Variants in DLG2 observed in about 807,000 individuals in gnomAD.
The protein encoded by DLG2 is discs large MAGUK scaffold protein 2, also known as disks large homolog 2.
DLG2 carries 45 observed loss-of-function variants against 132.5 expected under a neutral mutation model. The observed-to-expected ratio is 0.34, with a 90% confidence interval of 0.27 to 0.44. The LOEUF (loss-of-function observed/expected upper bound fraction) is 0.44, where lower values mean the gene tolerates loss of function less well. Among genes scored for constraint, DLG2 ranks in the 20% least tolerant of loss-of-function variants. DLG2 has a pLI of 1.00. For synonymous variants in DLG2, 424 were observed against 419.6 expected, an observed-to-expected ratio of 1.01 and a Z score of -0.13; for missense variants, 1,045 against 1,196.9, an observed-to-expected ratio of 0.87 and a Z score of 1.87.
At chr11:84,690,450 T>C (rs1245494894) in intron 6 of DLG2, among the ~76,000 whole-genome samples, 3 of 151,214 alleles carry the variant, frequency 2.0e-5, no homozygotes, top group Non-Finnish European at 3.0e-5. Context: ...AATACTTAGA[T>C]TGGAAAAAAA....
At chr11:83,467,522 G>A (rs1460984425) in intron 25 of DLG2, among the ~76,000 whole-genome samples, 1 of 151,796 alleles carries the variant, frequency 6.6e-6, no homozygotes, top group Non-Finnish European at 1.5e-5. Context: ...GCCGAGGCGG[G>A]TGGATCACCT....
intron 6 of DLG2, among the ~76,000 whole-genome samples, chr11:84,612,184 C>CT (rs1351424387): frequency 6.6e-6 from 1 of 152,018 alleles, no homozygotes; most frequent in Non-Finnish European, 1.5e-5. Context: ...GGTATGTACT[C>CT]TTTTTTAGCC....
chr11:84,589,686 T>C (rs1861289004), intron 6 of DLG2, among the ~76,000 whole-genome samples: 2 of 152,228 alleles, frequency 1.3e-5, no homozygotes, highest in African/African-American at 4.8e-5. Context: ...TCTATAATTA[T>C]ATATTTACCT....
At chr11:84,780,511 G>A (rs1366008867) in intron 6 of DLG2, among the ~76,000 whole-genome samples, 1 of 152,054 alleles carries the variant, frequency 6.6e-6, no homozygotes, top group East Asian at 1.9e-4. Context: ...GTAAGTTTAT[G>A]TTTAACTTTA....
intron 7 of DLG2, among the ~76,000 whole-genome samples, chr11:84,258,478 CT>C (rs1471663837): frequency 6.6e-6 from 1 of 151,854 alleles, no homozygotes; most frequent in Non-Finnish European, 1.5e-5. Flanking sequence ...ATATAAGGTG[CT>C]TATTATGTTT....
intron 11 of DLG2, among the ~76,000 whole-genome samples, chr11:83,994,396 A>C (rs1425732911): frequency 6.6e-6 from 1 of 152,058 alleles, no homozygotes; most frequent in Non-Finnish European, 1.5e-5. Context: ...TTGAAAACTA[A>C]TTTTTTATTT....
intron 2 of DLG2, among the ~76,000 whole-genome samples, chr11:85,610,487 C>T (rs1339964994): frequency 2.0e-5 from 3 of 152,050 alleles, no homozygotes; most frequent in African/African-American, 7.2e-5. Flanking sequence ...CCTGTGAGGA[C>T]CCCACAGACC....
At chr11:83,710,936 G>T (rs2085267206) in intron 18 of DLG2, among the ~76,000 whole-genome samples, 2 of 152,076 alleles carry the variant, frequency 1.3e-5, no homozygotes, top group Admixed American at 6.6e-5. Flanking sequence ...TTTTCATGGA[G>T]CACTAACTGT....
At chr11:84,076,931 C>T (rs181781024) in intron 10 of DLG2, among the ~76,000 whole-genome samples, 61 of 152,262 alleles carry the variant, frequency 4.0e-4, no homozygotes, top group Admixed American at 3.3e-3. Context: ...CATGCAAACC[C>T]ACCGTCTCCT....
intron 7 of DLG2, among the ~76,000 whole-genome samples, chr11:84,341,648 G>A (rs907569933): frequency 2.0e-5 from 3 of 152,198 alleles, no homozygotes; most frequent in Non-Finnish European, 2.9e-5. Context: ...GCCCAAGGGC[G>A]ACTTTACCTT....
chr11:85,064,457 A>T (rs917402579), intron 6 of DLG2, among the ~76,000 whole-genome samples: 1 of 151,712 alleles, frequency 6.6e-6, no homozygotes, highest in African/African-American at 2.4e-5. Context: ...CTGGAAATCA[A>T]CTCTGACACT....
intron 4 of DLG2, among the ~76,000 whole-genome samples, chr11:85,257,652 A>C (rs1448976753): frequency 6.6e-6 from 1 of 152,210 alleles, no homozygotes; most frequent in East Asian, 1.9e-4. Context: ...ATGATCACTG[A>C]AATATGTAGG....
intron 3 of DLG2, among the ~76,000 whole-genome samples, chr11:85,354,553 T>G (rs2083543903): frequency 6.6e-6 from 1 of 152,128 alleles, no homozygotes. Context: ...CCAATACATT[T>G]TTTTTTTCAT....
intron 6 of DLG2, among the ~76,000 whole-genome samples, chr11:85,002,555 T>C (rs939872284): frequency 1.3e-5 from 2 of 152,152 alleles, no homozygotes; most frequent in Non-Finnish European, 2.9e-5. Flanking sequence ...AAAGTACTGG[T>C]AGAACCATGT....
At chr11:84,247,248 G>T (rs180790083) in intron 8 of DLG2, among the ~76,000 whole-genome samples, 1 of 152,284 alleles carries the variant, frequency 6.6e-6, no homozygotes, top group Non-Finnish European at 1.5e-5. Flanking sequence ...GCTGAAAGGA[G>T]AGGAGAGCGC....
At chr11:84,385,442 C>T (rs1266233568) in intron 7 of DLG2, among the ~76,000 whole-genome samples, 1 of 152,078 alleles carries the variant, frequency 6.6e-6, no homozygotes, top group Non-Finnish European at 1.5e-5. Flanking sequence ...GTAGTTTTCT[C>T]CAGAGCTCAT....
At chr11:85,097,635 T>C (rs983879043) in intron 6 of DLG2, among the ~76,000 whole-genome samples, 2 of 152,204 alleles carry the variant, frequency 1.3e-5, no homozygotes, top group African/African-American at 4.8e-5. Context: ...TTTCCATTGT[T>C]TTTTCTTCAG....
At chr11:84,697,287 A>G (rs767139539) in intron 6 of DLG2, among the ~76,000 whole-genome samples, 4 of 151,486 alleles carry the variant, frequency 2.6e-5, no homozygotes, top group Non-Finnish European at 5.9e-5. Flanking sequence ...CAAAGAATCT[A>G]ATATGACAAG....
chr11:84,298,871 A>T, intron 7 of DLG2, among the ~76,000 whole-genome samples: 1 of 152,218 alleles, frequency 6.6e-6, no homozygotes, highest in East Asian at 1.9e-4. Context: ...TGACCAGAAC[A>T]CAACAGTAGT....
Sources: gnomAD v4.1 joint callset for allele counts (sites outside exome capture counted in the v4.1 genomes callset) on GRCh38, gnomAD v4.1.1 for gene constraint, MANE v1.5 for transcripts, NCBI Gene and HGNC (gene_info 2026-07-23, HGNC 2026-07-21) for gene names.